The following MYO18A variants were observed in gnomAD, a reference collection of about 807,000 sequenced individuals.
The protein encoded by MYO18A is myosin XVIIIA, also known as unconventional myosin-XVIIIa.
Under a neutral mutation model 235.8 loss-of-function variants are expected in MYO18A, and 78 were observed. The ratio of observed to expected loss-of-function variants is 0.33; its 90% CI spans 0.28 to 0.40. The LOEUF (loss-of-function observed/expected upper bound fraction) is 0.40, where lower values mean the gene tolerates loss of function less well. Ranked by LOEUF, MYO18A falls within the 10% of genes least tolerant of loss-of-function variation. The pLI is 1.00. For missense variants in MYO18A, 2,215 were observed against 2,699.3 expected (o/e 0.82, Z 3.98); for synonymous variants, 977 against 1,077.8 (o/e 0.91, Z 1.83).
In MYO18A at chr17:29,120,111, G is replaced by T. The variant is rs374075924; in HGVS notation, c.1728+505C>A. On this transcript the variant is annotated intron_variant, in intron 7 of 41. Transcript: ENST00000527372. This position sits in a 1 kb window ranked among gnomAD's most constrained non-coding sequence, Gnocchi z 4.2. ...CAGATCCCTCTAGGATCAAATGGGG[G>T]ACAGAAACCAGAATGAGGTGGAAGA... Among the ~76,000 whole-genome samples, 4 of 152,320 alleles carry T rather than the reference G, an allele frequency of 2.6e-5. No homozygotes were observed. Among genetic ancestry groups the T allele is most frequent in the Admixed American group, 1.3e-4 (2 of 15,294 alleles).
chr17:29,112,208 G>A (rs1208164950), intron 15 of MYO18A, among the ~76,000 whole-genome samples: 1 of 152,226 alleles, frequency 6.6e-6, no homozygotes, highest in African/African-American at 2.4e-5. Flanking sequence ...GGACTTGGAT[G>A]AACCCCACAT....
intron 30 of MYO18A, 66 bp from the exon 31 acceptor site, chr17:29,094,156 C>T: frequency 8.5e-7 from 1 of 1,173,878 alleles, no homozygotes; most frequent in East Asian, 2.5e-5. Context: ...CCCACCTGTG[C>T]ATGGCTCTCC....
In MYO18A at chr17:29,094,783, A is replaced by G; in HGVS notation, c.4577T>C (p.Ile1526Thr). Residue 1526 changes from isoleucine (I) to threonine (T), a missense_variant, in exon 30 of 42, where the codon ATT (isoleucine) becomes ACT (threonine). By Grantham distance (89) the Ile-to-Thr change is moderately conservative (BLOSUM62 -1). Coordinates refer to ENST00000527372, the MANE Select transcript of MYO18A (RefSeq NM_078471.4). ...CTCATCCTTGGACTCTTGGGAAGAA[A>G]TGTCCTGGAGCTCTGCCTCTAGAGA... is the stretch of plus-strand genomic sequence containing the variant. Reference protein sequence around the residue: ...VVSLEAELQDISSQESKDEAS... With the variant: ...VVSLEAELQDTSSQESKDEAS... The G allele has an allele frequency of 6.2e-7, 1 of 1,614,022 alleles. No individual in the cohort carries two copies. Among genetic ancestry groups the G allele is most frequent in the Non-Finnish European group, 8.5e-7 (1 of 1,179,906 alleles).
intron 34 of MYO18A, among the ~76,000 whole-genome samples, 163 bp downstream of exon 34, chr17:29,092,180 G>A (rs753729649): frequency 6.6e-6 from 1 of 152,210 alleles, no homozygotes; most frequent in Non-Finnish European, 1.5e-5. Flanking sequence ...GTGGAGAGAC[G>A]CAGAGGAGGG....
chr17:29,142,893 C>G (rs551088848), intron 2 of MYO18A, among the ~76,000 whole-genome samples: 3 of 152,358 alleles, frequency 2.0e-5, no homozygotes, highest in Non-Finnish European at 4.4e-5. Context: ...CTGCAACCTC[C>G]GCCTCCCAGG....
chr17:29,096,214 G>A (rs1433246936), intron 28 of MYO18A, among the ~76,000 whole-genome samples: 1 of 152,192 alleles, frequency 6.6e-6, no homozygotes, highest in Admixed American at 6.5e-5. Context: ...AGGGCGCCCT[G>A]CTGTTCCTAG....
Position 29,140,346 on chromosome 17 carries a change from G to A in MYO18A, c.1000-18093C>T, listed in dbSNP as rs2152925424. The A allele has an allele frequency of 7.8e-7, 1 of 1,276,736 alleles. No homozygotes were observed. The allele number at this position is 1,276,736 out of a possible 1,614,324, so 79.1% of individuals were successfully genotyped here. ...GGGTCAGAGGGACACTCACCCGCAT[G>A]GCCTGGCCTGGAGCAGCCCAGAGCA... On this transcript the variant is annotated intron_variant, in intron 2 of 41. Coordinates refer to ENST00000527372, the MANE Select transcript of MYO18A (RefSeq NM_078471.4). The surrounding 1 kb of genome is among the most constrained non-coding windows in gnomAD (Gnocchi z 4.2).
chr17:29,111,727 T>C lies in MYO18A; in HGVS notation c.2735A>G (p.Lys912Arg), dbSNP rs2066933669. Residue 912 changes from lysine to arginine, a missense_variant, in exon 16 of 42, where the codon AAA (lysine) becomes AGA (arginine). Coordinates refer to ENST00000527372, the MANE Select transcript of MYO18A (RefSeq NM_078471.4). The surrounding 1 kb of genome is among the most constrained non-coding windows in gnomAD (Gnocchi z 5.1). The part of the protein sequence containing the change: ...FSYYGPQEGD[K>R]KGQSPLLHSS... Reference sequence around the variant, plus strand: ...CCTCTAGGGATGCCACCTACCTTTTTTGTCACCTTCCTGGGGGCCATAATA... The same window carrying C: ...CCTCTAGGGATGCCACCTACCTTTTCTGTCACCTTCCTGGGGGCCATAATA... The C allele has an allele frequency of 3.1e-6, 5 of 1,613,532 alleles. No individual in the cohort carries two copies. The South Asian group carries it at 4.4e-5, about 14-fold the overall frequency.
chr17:29,118,178 CT>C lies in MYO18A; in HGVS notation c.1904del (p.Lys635SerfsTer15). The C allele has an allele frequency of 6.3e-7, 1 of 1,599,596 alleles. No homozygotes were observed. On this transcript the variant is annotated frameshift_variant, in exon 10 of 42. Coordinates refer to ENST00000527372, the MANE Select transcript of MYO18A (RefSeq NM_078471.4). LOFTEE classifies it high-confidence loss of function. The surrounding 1 kb of genome is among the most constrained non-coding windows in gnomAD (Gnocchi z 4.2). ...TACTAAACTGCTGAGCTGCCTTCTG[CT>C]TTTCCTCAGGCTGTGGAGATAGATG... is the stretch of plus-strand genomic sequence containing the variant. ...GIVPLAKPEE[K>X]QKAAQQFSKL...
intron 7 of MYO18A, among the ~76,000 whole-genome samples, chr17:29,119,671 C>T (rs2067152388): frequency 6.6e-6 from 1 of 150,486 alleles, no homozygotes; most frequent in African/African-American, 2.5e-5. Context: ...TTAAGCAATT[C>T]TCCTGCCTTG....
At chr17:29,131,801 A>G (rs2067480726) in intron 2 of MYO18A, among the ~76,000 whole-genome samples, 2 of 152,340 alleles carry the variant, frequency 1.3e-5, no homozygotes, top group Middle Eastern at 6.8e-3. Flanking sequence ...CCAAACTACA[A>G]GAGTCATCCC....
chr17:29,096,651 C>G (rs1038057537), intron 28 of MYO18A, 110 bp downstream of exon 28: 2 of 1,345,538 alleles, frequency 1.5e-6, no homozygotes, highest in African/African-American at 3.0e-5. Context: ...AAGCAAGGCC[C>G]CTGGACAAAT....
At chr17:29,163,911 C>CAATA (rs1567642824) in intron 2 of MYO18A, among the ~76,000 whole-genome samples, 2 of 152,244 alleles carry the variant, frequency 1.3e-5, no homozygotes, top group Non-Finnish European at 1.5e-5. Flanking sequence ...GTTTTTGAGA[C>CAATA]AGAGTTTAGC....
At chr17:29,115,213 T>C in intron 13 of MYO18A, 114 bp from the exon 14 acceptor site, 2 of 1,417,492 alleles carry the variant, frequency 1.4e-6, no homozygotes, top group Middle Eastern at 1.8e-4. Flanking sequence ...GGGGAGGGCA[T>C]GCTGGCCTTG....
rs2065883841 is a variant in MYO18A, at chr17:29,071,536, C to T, written c.*3234G>A. On this transcript the variant is annotated 3_prime_UTR_variant, in exon 42 of 42. Transcript: ENST00000527372. ...TACCAGCACCTCTCTTTCCCTGCCC[C>T]AGGACCTTTACTTAAACTCTTCTTC... The T allele has an allele frequency of 6.6e-6, 1 of 152,220 alleles. No homozygotes were observed. Among genetic ancestry groups the T allele is most frequent in the South Asian group, 2.1e-4 (1 of 4,834 alleles). 9.4% of individuals were successfully genotyped at this position (152,220 alleles called of 1,614,324 possible).
intron 30 of MYO18A, chr17:29,094,364 G>A: frequency 3.3e-6 from 2 of 599,286 alleles, no homozygotes; most frequent in Non-Finnish European, 5.9e-6. Context: ...CTGACTTGGT[G>A]GCTGGGTAGC....
At chr17:29,164,770 G>A (rs188931590) in intron 2 of MYO18A, among the ~76,000 whole-genome samples, 28 of 152,244 alleles carry the variant, frequency 1.8e-4, no homozygotes, top group Admixed American at 6.5e-4. Context: ...AAGACCCCTG[G>A]GATTAGTGAG....
chr17:29,089,788 G>C (rs934118150), intron 37 of MYO18A, among the ~76,000 whole-genome samples, 173 bp downstream of exon 37: 2 of 152,218 alleles, frequency 1.3e-5, no homozygotes, highest in Non-Finnish European at 2.9e-5. Flanking sequence ...GGTAGCCAGA[G>C]AGCAGGCCAG....
At position 29,092,605 on chromosome 17, in the gene MYO18A, G is replaced by A. The variant is rs79483074; in HGVS notation, c.5074-149C>T. ...GGGCCATGGCTGTGTGGTGGTGCAC[G>A]CGTGGGGATCTCCTCCCGTGACATG... On this transcript the variant is annotated intron_variant, in intron 33 of 41. Coordinates refer to ENST00000527372, the MANE Select transcript of MYO18A (RefSeq NM_078471.4). 571 of 805,726 alleles carry A rather than the reference G, an allele frequency of 7.1e-4. 2 individuals are homozygous for A. The African/African-American group carries it at 8.4e-3, about 12-fold the overall frequency. The allele number at this position is 805,726 out of a possible 1,614,324, so 49.9% of individuals were successfully genotyped here. A position where few individuals can be genotyped will look rare whatever the true frequency, so the allele number is the denominator to read the frequency against.
Sources: gnomAD v4.1 joint callset for allele counts (sites outside exome capture counted in the v4.1 genomes callset) on GRCh38, gnomAD v4.1.1 for gene constraint, Gnocchi (gnomAD v3.1) non-coding constraint, MANE v1.5 for transcripts, NCBI Gene and HGNC (gene_info 2026-07-23, HGNC 2026-07-21) for gene names.